The following FUT8 variants were observed in gnomAD, a reference collection of about 807,000 sequenced individuals.
The protein encoded by FUT8 is alpha-(1,6)-fucosyltransferase.
A neutral mutation model predicts 71.3 loss-of-function variants in FUT8; 29 were observed. That is an observed-to-expected ratio of 0.41 (90% confidence interval 0.30 to 0.55). The LOEUF (loss-of-function observed/expected upper bound fraction) is 0.55. Ranked by LOEUF, FUT8 falls within the 20% of genes least tolerant of loss-of-function variation. The pLI is 0.34. For missense variants in FUT8, 544 were observed against 702.1 expected (o/e 0.77, Z 2.55); for synonymous variants, 254 against 239.3 (o/e 1.06, Z -0.57).
At chr14:65,375,115 A>G in the FUT8 span, among the ~76,000 whole-genome samples, 1 of 152,152 alleles carries the variant, frequency 6.6e-6, no homozygotes, top group African/African-American at 2.4e-5. Context: ...CTAAGGGTAT[A>G]TGAAGTCTGA....
chr14:65,676,838 A>T, intron 7 of FUT8, among the ~76,000 whole-genome samples: 1 of 152,198 alleles, frequency 6.6e-6, no homozygotes, highest in East Asian at 1.9e-4. Context: ...TACAAACAAG[A>T]TAATTGTTGA....
intron 7 of FUT8, among the ~76,000 whole-genome samples, chr14:65,685,247 A>G (rs1244486742): frequency 6.6e-6 from 1 of 152,214 alleles, no homozygotes; most frequent in East Asian, 1.9e-4. Flanking sequence ...TCCTAATTCA[A>G]AAAGGAGATT....
rs533257362 is a variant in FUT8, at chr14:65,658,169, T to G, written c.598-11074T>G. ...GGCAAAAGTCTTGTACAGACGGCTA[T>G]GCAAAAGACATATACAGATGACAAA... is the stretch of plus-strand genomic sequence containing the variant. On this transcript the variant is annotated intron_variant, in intron 6 of 10. Coordinates refer to ENST00000673929, the MANE Select transcript of FUT8 (RefSeq NM_001371533.1). Among the ~76,000 whole-genome samples the G allele has an allele frequency of 3.3e-5, 5 of 152,174 alleles. No individual in the cohort carries two copies. The South Asian group carries it at 1.0e-3, about 32-fold the overall frequency.
At chr14:65,470,239 A>G (rs1384493259) in intron 2 of FUT8, among the ~76,000 whole-genome samples, 2 of 152,246 alleles carry the variant, frequency 1.3e-5, no homozygotes, top group Non-Finnish European at 2.9e-5. Context: ...CAGCGGGAAC[A>G]GGCATTTCCG....
intron 1 of FUT8, among the ~76,000 whole-genome samples, chr14:65,448,732 G>A (rs1201580038): frequency 2.6e-5 from 4 of 152,110 alleles, no homozygotes; most frequent in Non-Finnish European, 5.9e-5. Context: ...AGAAATTCAA[G>A]CTGTGTCCCA....
chr14:65,659,499 G>C (rs2140346082), intron 6 of FUT8, among the ~76,000 whole-genome samples: 1 of 152,100 alleles, frequency 6.6e-6, no homozygotes, highest in East Asian at 1.9e-4. Flanking sequence ...GAAACATTTG[G>C]AGCAGCTTTT....
At chr14:65,522,541 A>G (rs896741060) in intron 2 of FUT8, among the ~76,000 whole-genome samples, 1 of 152,178 alleles carries the variant, frequency 6.6e-6, no homozygotes, top group Non-Finnish European at 1.5e-5. Context: ...TCAGGAGTTC[A>G]TGTATTCATT....
At chr14:65,724,973 T>C (rs1388606883) in intron 9 of FUT8, among the ~76,000 whole-genome samples, 2 of 152,158 alleles carry the variant, frequency 1.3e-5, no homozygotes, top group East Asian at 3.9e-4. Context: ...ACATAGGAAT[T>C]TGTGCGAATG....
At chr14:65,716,891 G>A (rs1373259562) in intron 7 of FUT8, among the ~76,000 whole-genome samples, 38 of 140,000 alleles carry the variant, frequency 2.7e-4, no homozygotes, top group East Asian at 4.4e-4. Flanking sequence ...CAGACGGGGC[G>A]GCCGGGCAGA....
intron 3 of FUT8, among the ~76,000 whole-genome samples, chr14:65,593,958 C>T (rs1053355126): frequency 2.6e-5 from 4 of 152,254 alleles, no homozygotes; most frequent in Non-Finnish European, 4.4e-5. Context: ...GATCTGCCCA[C>T]CTTGGCCTCC....
intron 5 of FUT8, 90 bp downstream of exon 5, chr14:65,616,463 G>C: frequency 8.8e-7 from 1 of 1,139,140 alleles, no homozygotes; most frequent in Non-Finnish European, 1.2e-6. Context: ...TCTGTTGAGT[G>C]GTAAATATTA....
chr14:65,539,802 G>T (rs1884569638), intron 2 of FUT8, among the ~76,000 whole-genome samples: 1 of 152,268 alleles, frequency 6.6e-6, no homozygotes, highest in African/African-American at 2.4e-5. Flanking sequence ...TTATAATGAA[G>T]CATATATGTC....
intron 6 of FUT8, among the ~76,000 whole-genome samples, chr14:65,637,605 A>G (rs1890626558): frequency 6.6e-6 from 1 of 152,094 alleles, no homozygotes; most frequent in African/African-American, 2.4e-5. Flanking sequence ...ATATTTATTT[A>G]TTTATTTTGT....
intron 1 of FUT8, among the ~76,000 whole-genome samples, chr14:65,421,249 T>C (rs1376593315): frequency 6.6e-6 from 1 of 150,910 alleles, no homozygotes; most frequent in East Asian, 1.9e-4. Flanking sequence ...TTACTCTTCA[T>C]TAAGTGGAAG....
intron 6 of FUT8, among the ~76,000 whole-genome samples, chr14:65,641,475 A>C (rs1890825202): frequency 6.6e-6 from 1 of 152,168 alleles, no homozygotes; most frequent in South Asian, 2.1e-4. Context: ...GTGAATATTT[A>C]TGTACAAGCC....
upstream of FUT8, among the ~76,000 whole-genome samples, chr14:65,409,055 C>T (rs368582544): frequency 5.3e-4 from 80 of 152,204 alleles, no homozygotes; most frequent in African/African-American, 7.9e-4. This position sits in a 1 kb window ranked among gnomAD's most constrained non-coding sequence, Gnocchi z 5.4. Flanking sequence ...TTAGAACTGA[C>T]GAACAACTAA....
chr14:65,659,187 T>C (rs1034942726), intron 6 of FUT8, among the ~76,000 whole-genome samples: 5 of 151,546 alleles, frequency 3.3e-5, no homozygotes, highest in African/African-American at 1.2e-4. Context: ...TTTTTGTTTT[T>C]TGTTTTGTTT....
At chr14:65,654,860 A>G (rs1891590706) in intron 6 of FUT8, among the ~76,000 whole-genome samples, 1 of 151,234 alleles carries the variant, frequency 6.6e-6, no homozygotes, top group South Asian at 2.1e-4. Context: ...AGAAAGAGAG[A>G]AAAAAAAATA....
At chr14:65,470,906 G>A (rs934943366) in intron 2 of FUT8, among the ~76,000 whole-genome samples, 1 of 151,942 alleles carries the variant, frequency 6.6e-6, no homozygotes, top group African/African-American at 2.4e-5. Context: ...GGGTCTGTCC[G>A]CCTCTCCCTG....
Sources: gnomAD v4.1 joint callset for allele counts (sites outside exome capture counted in the v4.1 genomes callset) on GRCh38, gnomAD v4.1.1 for gene constraint, Gnocchi (gnomAD v3.1) non-coding constraint, MANE v1.5 for transcripts, NCBI Gene and HGNC (gene_info 2026-07-23, HGNC 2026-07-21) for gene names.